The following DYM variants were observed in gnomAD, a reference collection of about 807,000 sequenced individuals.
DYM encodes the protein dyggve-Melchior-Clausen syndrome protein.
Under a neutral mutation model 93.1 loss-of-function variants are expected in DYM, and 78 were observed. That is an observed-to-expected ratio of 0.84 (90% CI 0.70 to 1.01). The LOEUF is 1.01. DYM is among the 50% of genes least tolerant of loss of function. The pLI is 0.00. For missense variants in DYM, 789 were observed against 845.0 expected (o/e 0.93, Z 0.82); for synonymous variants, 321 against 319.7 (o/e 1.00, Z -0.04).
At position 49,282,130 on chromosome 18, in the gene DYM, T is replaced by C; in HGVS notation, c.992A>G (p.Asn331Ser). The C allele has an allele frequency of 1.2e-6, 2 of 1,613,974 alleles. No individual in the cohort carries two copies. The highest frequency in any genetic ancestry group is 1.7e-6 in the Non-Finnish European group (2 of 1,179,954). Residue 331 changes from asparagine (N) to serine (S), a missense_variant, in exon 10 of 18, where the codon AAC becomes AGC. By Grantham distance (46) the Asn-to-Ser change is conservative (BLOSUM62 1). Transcript: ENST00000675505. ...PSSIPHAFQI[N>S]FNSLYTALCE... is the part of the protein sequence containing the mutation. ...AAGAGCTGTGTACAAACTATTAAAG[T>C]TGATCTGGAAGGCATGTGGAATTGA...
chr18:49,323,728 C>T lies in DYM; in HGVS notation c.763+8136G>A, dbSNP rs561347253. 1.0e-3 allele frequency among the ~76,000 whole-genome samples: 157 copies of T among 152,302 alleles called. 2 individuals carry two copies. Among genetic ancestry groups the T allele is most frequent in the Admixed American group, 1.6e-3 (25 of 15,306 alleles). On this transcript the variant is annotated intron_variant, in intron 8 of 17. Coordinates refer to ENST00000675505, the MANE Select transcript of DYM (RefSeq NM_001353214.3). ...CTGTGAGAAATACATTTCTGTTGTT[C>T]AAGACACCCAGCCTACGGTATTTTG...
rs1171002644 is a variant in DYM at position 49,058,354 on chromosome 18, C to T, written c.2026-14150G>A. On this transcript the variant is annotated intron_variant, in intron 17 of 17. Transcript: ENST00000675505. ...TTTTCCTCAGAGGCAGGGTCTTGCT[C>T]TGTTGCTCAGGCTAGAGTGTAGTGA... Among the ~76,000 whole-genome samples, 8 of 146,122 alleles carry T rather than the reference C, an allele frequency of 5.5e-5. No individual in the cohort carries two copies. In the East Asian group the frequency reaches 1.6e-3, roughly 29 times the overall value.
At chr18:49,081,358 G>C (rs1232471504) in intron 17 of DYM, among the ~76,000 whole-genome samples, 1 of 151,866 alleles carries the variant, frequency 6.6e-6, no homozygotes, top group Non-Finnish European at 1.5e-5. Context: ...ACGAAAACCA[G>C]TCAGGCGTGG....
intron 17 of DYM, among the ~76,000 whole-genome samples, chr18:49,077,281 G>A (rs1457661889): frequency 6.6e-6 from 1 of 152,222 alleles, no homozygotes; most frequent in Middle Eastern, 3.4e-3. Flanking sequence ...TGTCCCCCTG[G>A]GCCCAAGGAA....
chr18:49,199,735 C>T (rs558255277), intron 14 of DYM, among the ~76,000 whole-genome samples: 3 of 152,262 alleles, frequency 2.0e-5, no homozygotes, highest in South Asian at 4.1e-4. Context: ...TATTATATGA[C>T]AAGACCATTC....
chr18:49,324,179 C>T (rs938411778), intron 8 of DYM, among the ~76,000 whole-genome samples: 4 of 125,216 alleles, frequency 3.2e-5, no homozygotes, highest in African/African-American at 5.8e-5. Context: ...ATCTTTAACA[C>T]GGCAGGGTGA....
At chr18:49,187,035 T>G (rs1020358076) in intron 14 of DYM, among the ~76,000 whole-genome samples, 1 of 150,358 alleles carries the variant, frequency 6.7e-6, no homozygotes, top group Non-Finnish European at 1.5e-5. Flanking sequence ...TTCTCCTGCC[T>G]CAGCCGTCCG....
chr18:49,275,864 G>A (rs2094836060), intron 10 of DYM, among the ~76,000 whole-genome samples: 1 of 152,080 alleles, frequency 6.6e-6, no homozygotes, highest in South Asian at 2.1e-4. Context: ...TTCATTTTGG[G>A]ATTTCTCATA....
At chr18:49,088,105 A>G (rs1038253011) in intron 17 of DYM, among the ~76,000 whole-genome samples, 2 of 151,938 alleles carry the variant, frequency 1.3e-5, no homozygotes, top group African/African-American at 4.8e-5. Context: ...GCTGTGCAGA[A>G]GCTCTTTAGT....
chr18:49,235,864 C>T (rs562070672), intron 13 of DYM, among the ~76,000 whole-genome samples: 10 of 150,478 alleles, frequency 6.6e-5, no homozygotes, highest in Non-Finnish European at 1.2e-4. Flanking sequence ...AATATAAAAA[C>T]ATAATACTAT....
chr18:49,191,646 A>G (rs1280204468), intron 14 of DYM, among the ~76,000 whole-genome samples: 1 of 152,188 alleles, frequency 6.6e-6, no homozygotes, highest in Non-Finnish European at 1.5e-5. Context: ...TTACACATCA[A>G]TTTTAAATTT....
At position 49,118,637 on chromosome 18, in the gene DYM, T is replaced by G. The variant is rs552737492; in HGVS notation, c.1911+107A>C. The stretch of plus-strand genomic sequence containing the variant: ...AAATAGACTGCAAATACAGTTAATG[T>G]TGAAAGAAGAAACTCTTACTATTAT... On this transcript the variant is annotated intron_variant, in intron 16 of 17. Coordinates refer to ENST00000675505, the MANE Select transcript of DYM (RefSeq NM_001353214.3). 42 of 1,075,248 alleles carry G rather than the reference T, an allele frequency of 3.9e-5. No individual in the cohort carries two copies. In the African/African-American group the frequency reaches 5.5e-4, roughly 14 times the overall value. 66.6% of individuals were successfully genotyped at this position (1,075,248 alleles called of 1,614,324 possible).
At chr18:49,322,456 A>G (rs555987489) in intron 8 of DYM, among the ~76,000 whole-genome samples, 2 of 152,256 alleles carry the variant, frequency 1.3e-5, no homozygotes, top group Admixed American at 6.5e-5. Context: ...GGAGAAAAAT[A>G]TATTAAAAGA....
chr18:49,066,967 G>A (rs1302410130), intron 17 of DYM, among the ~76,000 whole-genome samples: 1 of 152,186 alleles, frequency 6.6e-6, no homozygotes, highest in Non-Finnish European at 1.5e-5. Flanking sequence ...ATATAAAAAG[G>A]CAGATAGCAG....
intron 6 of DYM, among the ~76,000 whole-genome samples, chr18:49,350,973 A>T (rs1281606544): frequency 2.0e-5 from 3 of 152,190 alleles, no homozygotes; most frequent in Non-Finnish European, 4.4e-5. Flanking sequence ...TTTTTTTAAA[A>T]GATGTAAAAA....
At chr18:49,294,253 G>A (rs1288631063) in intron 8 of DYM, among the ~76,000 whole-genome samples, 1 of 152,152 alleles carries the variant, frequency 6.6e-6, no homozygotes, top group African/African-American at 2.4e-5. Flanking sequence ...GTAGCATGAT[G>A]CCTCCAGCTT....
intron 14 of DYM, among the ~76,000 whole-genome samples, chr18:49,169,140 A>C (rs1016525386): frequency 2.0e-5 from 3 of 152,208 alleles, no homozygotes; most frequent in African/African-American, 7.2e-5. Flanking sequence ...AAAGCAACAC[A>C]GTTTCTGTCC....
At chr18:49,355,338 T>G (rs757777576) in intron 6 of DYM, among the ~76,000 whole-genome samples, 1 of 151,870 alleles carries the variant, frequency 6.6e-6, no homozygotes, top group Non-Finnish European at 1.5e-5. Flanking sequence ...TATAGACAGA[T>G]GTATCTATCA....
chr18:49,216,804 A>C (rs1464634608), intron 13 of DYM, among the ~76,000 whole-genome samples: 2 of 152,206 alleles, frequency 1.3e-5, no homozygotes, highest in African/African-American at 4.8e-5. Context: ...AAGATGGGGA[A>C]AAAACAGAGC....
Sources: allele counts gnomAD v4.1 joint callset (sites outside exome capture counted in the v4.1 genomes callset), GRCh38; gene constraint gnomAD v4.1.1; transcripts MANE v1.5; gene names NCBI Gene and HGNC (gene_info 2026-07-23, HGNC 2026-07-21).